CHD8: variants seen among roughly 807,000 people sequenced by gnomAD.
CHD8 encodes the protein ATP-dependent chromatin remodeler CHD8.
A neutral mutation model predicts 279.2 loss-of-function variants in CHD8; 31 were observed. The ratio of observed to expected loss-of-function variants is 0.11; its 90% CI spans 0.08 to 0.15. The LOEUF (loss-of-function observed/expected upper bound fraction) is 0.15. Ranked by LOEUF, CHD8 falls within the 10% of genes least tolerant of loss-of-function variation. The pLI is 1.00. For synonymous variants in CHD8, 1,081 were observed against 1,139.6 expected (o/e 0.95, Z 1.04); for missense variants, 2,146 against 3,230.5 (o/e 0.66, Z 8.14).
intron 1 of CHD8, among the ~76,000 whole-genome samples, chr14:21,448,032 C>G (rs1325003677): frequency 2.0e-5 from 3 of 152,182 alleles, no homozygotes; most frequent in Non-Finnish European, 4.4e-5. Context: ...TCATGCTCCC[C>G]CACATACATT....
At chr14:21,439,685 G>A (rs10143061) in intron 1 of CHD8, among the ~76,000 whole-genome samples, 139,384 of 152,240 alleles carry the variant, frequency 0.92, 63,919 homozygotes, top group Middle Eastern at 0.94. Flanking sequence ...CCTAAAACAC[G>A]GTATGGCCAA....
chr14:21,441,552 T>G (rs1028876808), intron 1 of CHD8, among the ~76,000 whole-genome samples: 10 of 152,126 alleles, frequency 6.6e-5, no homozygotes, highest in Non-Finnish European at 1.5e-4. Flanking sequence ...CAGTAGAACC[T>G]GGAGTTCAGA....
chr14:21,395,733 T>C (rs1887754004), intron 28 of CHD8, 84 bp downstream of exon 28: 1 of 816,398 alleles, frequency 1.2e-6, no homozygotes, highest in Non-Finnish European at 2.1e-6. Flanking sequence ...AATTAACCAA[T>C]ATATTTCAAG....
At chr14:21,445,309 C>T (rs1172486032) in intron 1 of CHD8, among the ~76,000 whole-genome samples, 1 of 152,200 alleles carries the variant, frequency 6.6e-6, no homozygotes, top group Non-Finnish European at 1.5e-5. Context: ...CCGTGGCTCA[C>T]ACCTGTAATC....
At chr14:21,412,234 C>G (rs1888529061) in intron 10 of CHD8, among the ~76,000 whole-genome samples, 1 of 151,928 alleles carries the variant, frequency 6.6e-6, no homozygotes, top group South Asian at 2.1e-4. Context: ...CAACTTTTGC[C>G]TCCCGGGTTC....
chr14:21,402,544 A>G lies in CHD8; in HGVS notation c.3715-41T>C. The G allele has an allele frequency of 6.5e-7, 1 of 1,530,922 alleles. No homozygotes were observed. The highest frequency in any genetic ancestry group is 1.3e-5 in the South Asian group (1 of 77,830). The allele number at this position is 1,530,922 out of a possible 1,614,324, so 94.8% of individuals were successfully genotyped here. ...AACGAAAGGAAAGGAGAAAGATATC[A>G]TAAAATTAGCAAGGGAAAGGATACA... On this transcript the variant is annotated intron_variant, in intron 18 of 37. Coordinates refer to ENST00000646647, the MANE Select transcript of CHD8 (RefSeq NM_001170629.2). The surrounding 1 kb of genome is among the most constrained non-coding windows in gnomAD (Gnocchi z 4.5).
chr14:21,436,802 C>A, intron 1 of CHD8: 1 of 435,000 alleles, frequency 2.3e-6, no homozygotes. Flanking sequence ...AGAGATTCTG[C>A]ACTCATGAAA....
intron 1 of CHD8, among the ~76,000 whole-genome samples, chr14:21,451,082 G>A (rs1594397159): frequency 6.6e-6 from 1 of 152,220 alleles, no homozygotes; most frequent in Admixed American, 6.5e-5. Flanking sequence ...CTCCTTAAAT[G>A]ACAAGGTCAA....
Position 21,428,208 on chromosome 14 carries a change from A to G in CHD8, c.1262T>C (p.Val421Ala). ...GASSGLSVVKVLSASEVAALS... is the reference protein window; with the variant it reads ...GASSGLSVVKALSASEVAALS... ...AGCTGCCACTTCACTGGCACTCAGAACTTTAACTACAGAGAGCCCAGAAGA... is the reference window on the plus strand; with the variant it reads ...AGCTGCCACTTCACTGGCACTCAGAGCTTTAACTACAGAGAGCCCAGAAGA... The change falls in exon 4 of 38, where the codon GTT (valine) becomes GCT (alanine). Residue 421 changes from valine to alanine, a missense_variant. Physicochemically the swap from Val to Ala is moderately conservative, Grantham distance 64 (BLOSUM62 0). This residue lies in a region of CHD8 where 170 missense variants were observed against 189.9 expected (regional missense o/e 0.90). Coordinates refer to ENST00000646647, the MANE Select transcript of CHD8 (RefSeq NM_001170629.2). 1.2e-6 allele frequency: 2 copies of G among 1,613,984 alleles called. No individual in the cohort carries two copies. Among genetic ancestry groups the G allele is most frequent in the Non-Finnish European group, 1.7e-6 (2 of 1,179,882 alleles).
intron 26 of CHD8, chr14:21,399,280 T>C (rs1176361152): frequency 6.3e-6 from 2 of 319,342 alleles, no homozygotes; most frequent in Non-Finnish European, 1.2e-5. Flanking sequence ...TTATTAACAA[T>C]AGTTGGGGTA....
chr14:21,394,259 C>A lies in CHD8; in HGVS notation c.5599+18G>T. 2 of 1,613,890 alleles carry A rather than the reference C, an allele frequency of 1.2e-6. No individual in the cohort carries two copies. The highest frequency in any genetic ancestry group is 1.7e-6 in the Non-Finnish European group (2 of 1,179,808). ...TTCTGTTGGCATCCATCCTCACCCA[C>A]TCTGCAATCTTGCTTACCATCTCCA... On this transcript the variant is annotated intron_variant, in intron 31 of 37. Coordinates refer to ENST00000646647, the MANE Select transcript of CHD8 (RefSeq NM_001170629.2).
Position 21,385,808 on chromosome 14 carries a change from G to A in CHD8, c.7551C>T (p.Pro2517=). ...HHPGLRAPGY[P]SSPVTTASGT... ...CAGAGGCGGTAGTCACTGGTGAAGA[G>A]GGGTAGCCAGGGGCTCTCAAGCCTG... is the stretch of plus-strand genomic sequence containing the variant. Residue 2517 remains proline, a synonymous_variant, in exon 38 of 38, where the codon CCC becomes CCT. Transcript: ENST00000646647. 7.1e-6 allele frequency: 11 copies of A among 1,550,902 alleles called. No homozygotes were observed. The highest frequency in any genetic ancestry group is 9.6e-6 in the Non-Finnish European group (11 of 1,146,826).
chr14:21,418,391 G>C (rs772144350), intron 5 of CHD8, among the ~76,000 whole-genome samples: 1 of 152,078 alleles, frequency 6.6e-6, no homozygotes, highest in Admixed American at 6.6e-5. Flanking sequence ...ATGGTGGCGT[G>C]CACCTGTAAT....
rs61973179 is a variant in CHD8 at position 21,420,571 on chromosome 14, T to C, written c.1717-4664A>G. ...AGAAAGTAGAGGAGGAGAATGGGTATATCTATCTTTTCCACTAAAGAACAA... is the reference window on the plus strand; with the variant it reads ...AGAAAGTAGAGGAGGAGAATGGGTACATCTATCTTTTCCACTAAAGAACAA... On this transcript the variant is annotated intron_variant, in intron 5 of 37. Coordinates refer to ENST00000646647, the MANE Select transcript of CHD8 (RefSeq NM_001170629.2). 4.6e-5 allele frequency among the ~76,000 whole-genome samples: 7 copies of C among 152,232 alleles called. No individual in the cohort carries two copies. The South Asian group carries it at 1.2e-3, about 27-fold the overall frequency.
chr14:21,392,826 A>G lies in CHD8; in HGVS notation c.6469-17T>C. 2 of 1,611,758 alleles carry G rather than the reference A, an allele frequency of 1.2e-6. No individual in the cohort carries two copies. The highest frequency in any genetic ancestry group is 1.7e-6 in the Non-Finnish European group (2 of 1,178,298). ...GACACGATCCTGAATGGGGAAAGAA[A>G]GAAATACCATTTTAAGAGTCTGAGT... On this transcript the variant is annotated splice_polypyrimidine_tract_variant and intron_variant, in intron 33 of 37. Transcript: ENST00000646647.
chr14:21,417,092 A>G (rs1888756956), intron 5 of CHD8, among the ~76,000 whole-genome samples: 1 of 152,184 alleles, frequency 6.6e-6, no homozygotes, highest in African/African-American at 2.4e-5. Flanking sequence ...TACAAATATA[A>G]TTTTATATTT....
In CHD8 at chr14:21,386,277, T is replaced by G. The variant is rs147101205; in HGVS notation, c.7183-101A>C. 4.3e-4 allele frequency: 505 copies of G among 1,183,074 alleles called. 3 individuals are homozygous for G. In the African/African-American group the frequency reaches 6.2e-3, roughly 14 times the overall value. 73.3% of individuals were successfully genotyped at this position (1,183,074 alleles called of 1,614,324 possible). On this transcript the variant is annotated intron_variant, in intron 37 of 37. Coordinates refer to ENST00000646647, the MANE Select transcript of CHD8 (RefSeq NM_001170629.2). ...TAGCTTACAATGCTTTTTTACTGAATGTACCTTAGAAGAGGCAAAACAAGC... is the reference window on the plus strand; with the variant it reads ...TAGCTTACAATGCTTTTTTACTGAAGGTACCTTAGAAGAGGCAAAACAAGC...
intron 3 of CHD8, 101 bp downstream of exon 3, chr14:21,428,863 T>C: frequency 9.4e-7 from 1 of 1,063,476 alleles, no homozygotes; most frequent in East Asian, 2.5e-5. Flanking sequence ...GATATAAATC[T>C]AGAATGGCCC....
chr14:21,417,873 T>C (rs1275639296), intron 5 of CHD8, among the ~76,000 whole-genome samples: 4 of 142,520 alleles, frequency 2.8e-5, no homozygotes, highest in African/African-American at 7.8e-5. Context: ...AAAATATATA[T>C]ATATATATAA....
Sources: gnomAD v4.1 joint callset for allele counts (sites outside exome capture counted in the v4.1 genomes callset) on GRCh38, gnomAD v4.1.1 for gene constraint, gnomAD v4.1.1 regional missense constraint, Gnocchi (gnomAD v3.1) non-coding constraint, MANE v1.5 for transcripts, NCBI Gene and HGNC (gene_info 2026-07-23, HGNC 2026-07-21) for gene names.